Variants in CNTN4 observed in about 807,000 individuals in gnomAD.
The protein encoded by CNTN4 is contactin 4, also known as contactin-4.
CNTN4 carries 77 observed loss-of-function variants against 122.5 expected under a neutral mutation model. The ratio of observed to expected loss-of-function variants is 0.63; its 90% CI spans 0.52 to 0.76. The LOEUF is 0.76. CNTN4 is among the 30% of genes least tolerant of loss of function. The pLI, the probability that CNTN4 is intolerant of heterozygous loss-of-function variation, is 0.00. For missense variants in CNTN4, 1,256 were observed against 1,259.1 expected (o/e 1.00, Z 0.04); for synonymous variants, 512 against 447.0 (o/e 1.15, Z -1.83).
At chr3:2,845,019 C>T (rs908492) in intron 7 of CNTN4, among the ~76,000 whole-genome samples, 102,357 of 151,966 alleles carry the variant, frequency 0.67, 34,567 homozygotes, top group East Asian at 0.87. Context: ...ATGCCAGTTT[C>T]ACTTACAATT....
At chr3:2,217,280 C>G (rs1049837390) in intron 2 of CNTN4, among the ~76,000 whole-genome samples, 11 of 152,128 alleles carry the variant, frequency 7.2e-5, no homozygotes, top group Admixed American at 7.2e-4. Context: ...TGTTACCATA[C>G]TTGCAAGCAG....
chr3:2,782,665 T>C (rs2091651653), intron 6 of CNTN4, among the ~76,000 whole-genome samples: 1 of 152,140 alleles, frequency 6.6e-6, no homozygotes, highest in Non-Finnish European at 1.5e-5. Flanking sequence ...ATGATTCAGT[T>C]TGGGGATCGA....
chr3:2,676,497 C>T (rs1040125365), intron 4 of CNTN4, among the ~76,000 whole-genome samples: 2 of 152,188 alleles, frequency 1.3e-5, no homozygotes, highest in East Asian at 3.8e-4. Context: ...GCTGGGATTA[C>T]AGGCGTGAGC....
Position 2,327,424 on chromosome 3 carries a change from G to A in CNTN4, c.-144-11754G>A, listed in dbSNP as rs368518081. The stretch of plus-strand genomic sequence containing the variant: ...TCATGGTAATGGAGAAATAGTCTAT[G>A]ATATTGTAAACACATATGGATCTTT... On this transcript the variant is annotated intron_variant, in intron 2 of 24. Transcript: ENST00000418658. 1.0e-3 allele frequency among the ~76,000 whole-genome samples: 157 copies of A among 152,218 alleles called. 1 individual carries two copies. The highest frequency in any genetic ancestry group is 3.6e-3 in the African/African-American group (150 of 41,516).
intron 3 of CNTN4, among the ~76,000 whole-genome samples, chr3:2,468,396 C>T (rs2075576051): frequency 6.6e-6 from 1 of 152,024 alleles, no homozygotes; most frequent in Non-Finnish European, 1.5e-5. Context: ...CTTCTCTAAA[C>T]ATATAACAAG....
intron 2 of CNTN4, among the ~76,000 whole-genome samples, chr3:2,165,544 C>T (rs1283965932): frequency 3.3e-5 from 5 of 152,186 alleles, no homozygotes; most frequent in Non-Finnish European, 7.4e-5. Flanking sequence ...ATACTTAAGA[C>T]GTACTCTCTT....
chr3:2,958,824 A>G (rs1052743293), intron 13 of CNTN4, among the ~76,000 whole-genome samples: 3 of 152,186 alleles, frequency 2.0e-5, no homozygotes, highest in Non-Finnish European at 2.9e-5. Flanking sequence ...TGAGTAATCC[A>G]GGGAACTAAT....
At chr3:2,706,603 G>A (rs1387502258) in intron 4 of CNTN4, among the ~76,000 whole-genome samples, 1 of 152,226 alleles carries the variant, frequency 6.6e-6, no homozygotes, top group African/African-American at 2.4e-5. Context: ...AATGAAAAAT[G>A]CAACAGTTTG....
At chr3:2,410,777 G>A (rs1320911847) in intron 3 of CNTN4, among the ~76,000 whole-genome samples, 2 of 152,186 alleles carry the variant, frequency 1.3e-5, no homozygotes, top group Non-Finnish European at 2.9e-5. Context: ...TCATTCATGT[G>A]AATAAGCTTG....
At chr3:2,760,706 C>A (rs771975141) in intron 6 of CNTN4, among the ~76,000 whole-genome samples, 12 of 152,192 alleles carry the variant, frequency 7.9e-5, no homozygotes, top group Non-Finnish European at 1.6e-4. Context: ...GCAAGCAAAA[C>A]ATACTGCCTT....
chr3:2,356,734 C>T (rs1277260222), intron 3 of CNTN4, among the ~76,000 whole-genome samples: 1 of 152,158 alleles, frequency 6.6e-6, no homozygotes. Context: ...GATGGAGTTG[C>T]TCTTGTTCAA....
intron 12 of CNTN4, among the ~76,000 whole-genome samples, chr3:2,914,738 C>T (rs983472479): frequency 6.6e-6 from 1 of 152,156 alleles, no homozygotes; most frequent in Admixed American, 6.5e-5. Context: ...TTCCCCAAAC[C>T]CTTCCAAAGA....
At chr3:2,858,720 GAAA>G (rs1320483473) in intron 7 of CNTN4, among the ~76,000 whole-genome samples, 1 of 148,176 alleles carries the variant, frequency 6.7e-6, no homozygotes, top group African/African-American at 2.5e-5. Flanking sequence ...AAAAAAAAAA[GAAA>G]AAGAAAAAGA....
intron 3 of CNTN4, among the ~76,000 whole-genome samples, chr3:2,560,984 G>T (rs1354336502): frequency 4.6e-5 from 7 of 152,058 alleles, no homozygotes; most frequent in Non-Finnish European, 1.0e-4. Context: ...TCCCTTTTAG[G>T]CTACCAGTTA....
chr3:2,314,215 A>C (rs1397679723), intron 2 of CNTN4, among the ~76,000 whole-genome samples: 2 of 151,976 alleles, frequency 1.3e-5, no homozygotes, highest in Non-Finnish European at 2.9e-5. Flanking sequence ...TAAAATGGGA[A>C]GGTTAAATAT....
intron 2 of CNTN4, among the ~76,000 whole-genome samples, chr3:2,302,158 C>G (rs2042549343): frequency 6.6e-6 from 1 of 152,180 alleles, no homozygotes; most frequent in East Asian, 1.9e-4. Context: ...GGGCTGGGCA[C>G]AGTGGCTCAT....
chr3:2,288,950 T>G (rs2042038860), intron 2 of CNTN4, among the ~76,000 whole-genome samples: 1 of 152,110 alleles, frequency 6.6e-6, no homozygotes, highest in Admixed American at 6.5e-5. Context: ...ATATGAGTAT[T>G]AAAGATAGGT....
chr3:2,349,335 A>G (rs2044521250), intron 3 of CNTN4, among the ~76,000 whole-genome samples: 2 of 152,182 alleles, frequency 1.3e-5, no homozygotes. Context: ...TCATGTTTAA[A>G]CTAAGACACA....
At chr3:2,627,682 A>G (rs959010003) in intron 4 of CNTN4, among the ~76,000 whole-genome samples, 3 of 151,636 alleles carry the variant, frequency 2.0e-5, no homozygotes, top group African/African-American at 7.3e-5. Flanking sequence ...TTTAGTAGAG[A>G]CGGGGTTTCA....
Sources: allele counts gnomAD v4.1 joint callset (sites outside exome capture counted in the v4.1 genomes callset), GRCh38; gene constraint gnomAD v4.1.1; transcripts MANE v1.5; gene names NCBI Gene and HGNC (gene_info 2026-07-23, HGNC 2026-07-21).